CSNK1G1: variants seen among roughly 807,000 people sequenced by gnomAD.
The protein encoded by CSNK1G1 is casein kinase I isoform gamma-1.
CSNK1G1 carries 22 observed loss-of-function variants against 59.6 expected under a neutral mutation model. The ratio of observed to expected loss-of-function variants is 0.37; its 90% confidence interval spans 0.26 to 0.53. The LOEUF is 0.53. Ranked by LOEUF, CSNK1G1 falls within the 20% of genes least tolerant of loss-of-function variation. The pLI is 0.89. For missense variants in CSNK1G1, 384 were observed against 519.5 expected (o/e 0.74, Z 2.54); for synonymous variants, 179 against 177.1 (o/e 1.01, Z -0.08).
rs1218596899 is a variant in CSNK1G1 at position 64,231,328 on chromosome 15, A to AAT, written c.293-14617_293-14616dup. 1.3e-4 allele frequency among the ~76,000 whole-genome samples: 19 copies of AAT among 147,502 alleles called. No individual in the cohort carries two copies. In the South Asian group the frequency reaches 2.9e-3, roughly 23 times the overall value. ...GTGACAGAGCAAAACCTCATCTCCAAATATATATATATTATATATATATTT... is the reference window on the plus strand; with the variant it reads ...GTGACAGAGCAAAACCTCATCTCCAAATATATATATATATTATATATATATTT... On this transcript the variant is annotated intron_variant, in intron 4 of 11. Coordinates refer to ENST00000303052, the MANE Select transcript of CSNK1G1 (RefSeq NM_022048.5).
At chr15:64,268,257 G>A (rs1893087998) in intron 2 of CSNK1G1, among the ~76,000 whole-genome samples, 1 of 152,192 alleles carries the variant, frequency 6.6e-6, no homozygotes, top group African/African-American at 2.4e-5. Context: ...TCACTTATAT[G>A]TGGAATCTAG....
chr15:64,224,521 T>G (rs2082431512), intron 4 of CSNK1G1, among the ~76,000 whole-genome samples: 1 of 152,172 alleles, frequency 6.6e-6, no homozygotes, highest in Non-Finnish European at 1.5e-5. Flanking sequence ...ATATCTTTTT[T>G]AAAAAAGAAC....
At chr15:64,247,818 A>C (rs1437356274) in intron 4 of CSNK1G1, among the ~76,000 whole-genome samples, 1 of 152,228 alleles carries the variant, frequency 6.6e-6, no homozygotes, top group East Asian at 1.9e-4. Context: ...TATTTTAGGA[A>C]TTTAATGTCT....
intron 4 of CSNK1G1, among the ~76,000 whole-genome samples, chr15:64,244,358 T>A: frequency 1.4e-4 from 16 of 115,926 alleles, no homozygotes; most frequent in African/African-American, 2.4e-4. Context: ...TGAAGGAAAC[T>A]GAAAAATTAA....
chr15:64,191,647 C>T, intron 10 of CSNK1G1, among the ~76,000 whole-genome samples: 1 of 152,142 alleles, frequency 6.6e-6, no homozygotes, highest in Non-Finnish European at 1.5e-5. Flanking sequence ...CACATTCCAT[C>T]TCCATTCTCA....
At chr15:64,242,857 ACAAT>A in intron 4 of CSNK1G1, among the ~76,000 whole-genome samples, 1 of 152,150 alleles carries the variant, frequency 6.6e-6, no homozygotes, top group Admixed American at 6.5e-5. Context: ...ACCAAATCCA[ACAAT>A]GTATAAAAAA....
chr15:64,305,480 C>T (rs1358000909), intron 1 of CSNK1G1, among the ~76,000 whole-genome samples: 5 of 151,754 alleles, frequency 3.3e-5, no homozygotes, highest in Admixed American at 6.6e-5. Context: ...TGTTGGGAGG[C>T]CACAGTGGGG....
intron 2 of CSNK1G1, 92 bp downstream of exon 2, chr15:64,300,227 T>G (rs1895252570): frequency 3.1e-6 from 4 of 1,278,170 alleles, no homozygotes; most frequent in Non-Finnish European, 4.4e-6. Context: ...AAAAATTTCT[T>G]GTAAAACTAT....
intron 1 of CSNK1G1, among the ~76,000 whole-genome samples, chr15:64,301,325 G>GCCAAAAAGAGATCCTTTGCAGAA (rs1895324475): frequency 6.7e-6 from 1 of 149,660 alleles, no homozygotes; most frequent in Non-Finnish European, 1.5e-5. Context: ...ATGACAGAGT[G>GCCAAAAAGAGATCCTTTGCAGAA]CCAAAAAGAG....
At chr15:64,184,460 T>C (rs970021677) in intron 10 of CSNK1G1, among the ~76,000 whole-genome samples, 1 of 152,086 alleles carries the variant, frequency 6.6e-6, no homozygotes, top group Non-Finnish European at 1.5e-5. Flanking sequence ...GTGGATTGCC[T>C]GAGCTCAGCA....
intron 6 of CSNK1G1, among the ~76,000 whole-genome samples, chr15:64,211,541 G>A (rs1003374147): frequency 6.6e-6 from 1 of 152,138 alleles, no homozygotes; most frequent in Non-Finnish European, 1.5e-5. Context: ...GAAACAGACT[G>A]ATGCACAGTA....
At chr15:64,208,013 T>C (rs1412200486) in intron 6 of CSNK1G1, among the ~76,000 whole-genome samples, 1 of 152,238 alleles carries the variant, frequency 6.6e-6, no homozygotes, top group Non-Finnish European at 1.5e-5. Context: ...CAGTCCATTC[T>C]GGCTAGGCCT....
At chr15:64,173,619 CTTTTT>C (rs928192194) in intron 11 of CSNK1G1, among the ~76,000 whole-genome samples, 18 of 108,542 alleles carry the variant, frequency 1.7e-4, no homozygotes, top group Middle Eastern at 5.3e-3. Context: ...CTTTTCTTTT[CTTTTT>C]TTTTTTTTTT....
intron 10 of CSNK1G1, among the ~76,000 whole-genome samples, chr15:64,182,069 T>G (rs915145376): frequency 2.9e-5 from 4 of 140,190 alleles, no homozygotes; most frequent in Non-Finnish European, 4.6e-5. Flanking sequence ...TTTTTTTTTT[T>G]TTTTTTTTTT....
chr15:64,216,549 A>T lies in CSNK1G1; in HGVS notation c.444+13T>A, dbSNP rs1416260693. ...CCAGCTTATTCTCTTCTAGAAGAGC[A>T]ATTCCAACTTACCAGCTGGATGGCT... On this transcript the variant is annotated intron_variant, in intron 5 of 11. Transcript: ENST00000303052. The surrounding 1 kb of genome is among the most constrained non-coding windows in gnomAD (Gnocchi z 4.6). 1 of 1,613,252 alleles carries T rather than the reference A, an allele frequency of 6.2e-7. No homozygotes were observed. Among genetic ancestry groups the T allele is most frequent in the Non-Finnish European group, 8.5e-7 (1 of 1,179,442 alleles).
intron 1 of CSNK1G1, among the ~76,000 whole-genome samples, chr15:64,316,202 A>AAAAC (rs60125774): frequency 1.3e-3 from 198 of 149,772 alleles, no homozygotes; most frequent in African/African-American, 3.6e-3. Flanking sequence ...TTTGCTTTTT[A>AAAAC]AAACAAACAA....
chr15:64,255,734 G>A lies in CSNK1G1; in HGVS notation c.222+3467C>T, dbSNP rs114785042. Among the ~76,000 whole-genome samples the A allele has an allele frequency of 9.9e-3, 1,508 of 152,132 alleles. 27 individuals carry two copies. Among genetic ancestry groups the A allele is most frequent in the African/African-American group, 0.035 (1,448 of 41,492 alleles). On this transcript the variant is annotated intron_variant, in intron 3 of 11. Transcript: ENST00000303052. ...AGGCTCTTTCCTGAATCCACTTGAA[G>A]TTTTCTGCATTTTTCTTAAGATATA...
intron 6 of CSNK1G1, among the ~76,000 whole-genome samples, chr15:64,212,987 T>A (rs566675344): frequency 3.3e-5 from 5 of 152,148 alleles, no homozygotes; most frequent in Non-Finnish European, 7.3e-5. Flanking sequence ...GCCTGGGTGA[T>A]AGAGCGAGAC....
chr15:64,182,053 G>GTTTTTTTTTTTTTTTTTTTTTTTTT (rs71447372), intron 10 of CSNK1G1: 2 of 83,234 alleles, frequency 2.4e-5, no homozygotes, highest in African/African-American at 1.1e-4. Context: ...TTAGTAACCC[G>GTTTTTTTTTTTTTTTTTTTTTTTTT]TTTTTTTTTT....
Sources: allele counts gnomAD v4.1 joint callset (sites outside exome capture counted in the v4.1 genomes callset), GRCh38; gene constraint gnomAD v4.1.1; non-coding constraint Gnocchi (gnomAD v3.1); transcripts MANE v1.5; gene names NCBI Gene and HGNC (gene_info 2026-07-23, HGNC 2026-07-21).